MANSC1: variants seen among roughly 807,000 people sequenced by gnomAD.
MANSC1 encodes MANSC domain containing 1, also known as MANSC domain-containing protein 1.
A neutral mutation model predicts 14.1 loss-of-function variants in MANSC1; 13 were observed. The ratio of observed to expected loss-of-function variants is 0.92; its 90% CI spans 0.60 to 1.46. MANSC1 has a LOEUF of 1.46. Ranked by LOEUF, MANSC1 falls within the 40% of genes most tolerant of loss-of-function variation. The pLI, the probability that MANSC1 is intolerant of heterozygous loss-of-function variation, is 0.00. For synonymous variants in MANSC1, 227 were observed against 200.7 expected (o/e 1.13, Z -1.11); for missense variants, 486 against 511.4 (o/e 0.95, Z 0.48).
chr12:12,342,945 C>T (rs1862956438), intron 2 of MANSC1, 147 bp downstream of exon 2: 1 of 627,636 alleles, frequency 1.6e-6, no homozygotes, highest in African/African-American at 1.8e-5. Flanking sequence ...GAGGGGAGGG[C>T]ACACTTGTAG....
chr12:12,334,177 C>T (rs189598660), intron 3 of MANSC1, among the ~76,000 whole-genome samples: 1 of 151,856 alleles, frequency 6.6e-6, no homozygotes, highest in Non-Finnish European at 1.5e-5. Flanking sequence ...ACTGCTTGAG[C>T]TCAGGAGGTG....
chr12:12,349,113 C>T (rs182574140), intron 1 of MANSC1, among the ~76,000 whole-genome samples: 106 of 152,318 alleles, frequency 7.0e-4, no homozygotes, highest in Middle Eastern at 3.4e-3. Flanking sequence ...ACTGCTAATA[C>T]TACTGTGGCT....
Position 12,329,025 on chromosome 12 carries a change from C to CACACACACACACACA in MANSC1, c.*1001_*1002insTGTGTGTGTGTGTGT, listed in dbSNP as rs1254787998. 1 of 152,132 alleles carries CACACACACACACACA rather than the reference C, an allele frequency of 6.6e-6. No homozygotes were observed. The highest frequency in any genetic ancestry group is 2.5e-5 in the African/African-American group (1 of 40,146). 9.4% of individuals were successfully genotyped at this position (152,132 alleles called of 1,614,324 possible). ...ACACACACACACACACACACACACACAAGTTAACTAGAACAGATCCCAAGT... is the reference window on the plus strand; with the variant it reads ...ACACACACACACACACACACACACACACACACACACACACAAAGTTAACTAGAACAGATCCCAAGT... On this transcript the variant is annotated 3_prime_UTR_variant, in exon 4 of 4. Coordinates refer to ENST00000535902, the MANE Select transcript of MANSC1 (RefSeq NM_018050.4).
intron 1 of MANSC1, 77 bp downstream of exon 1, chr12:12,350,001 G>A: frequency 6.6e-6 from 1 of 152,346 alleles, no homozygotes; most frequent in East Asian, 1.9e-4. Flanking sequence ...CCCTGGAAAG[G>A]AGGGGACCGA....
rs1312450234 is a variant in MANSC1, at chr12:12,342,576, GTTTTTTTGTTTTTTTTTTTTT to G, written c.223+495_223+515del. ...AAGCTGTAGTTACCTAGTAGTCAGT[GTTTTTTTGTTTTTTTTTTTTT>G]TTTTTTTTTTTGACTTATCCTATGC... On this transcript the variant is annotated intron_variant, in intron 2 of 3. Coordinates refer to ENST00000535902, the MANE Select transcript of MANSC1 (RefSeq NM_018050.4). Among the ~76,000 whole-genome samples the G allele has an allele frequency of 2.9e-5, 3 of 103,998 alleles. No homozygotes were observed. The East Asian group carries it at 1.1e-3, about 38-fold the overall frequency. The allele number at this position is 103,998 out of a possible 152,430, so 68.2% of individuals were successfully genotyped here.
rs771731552 is a variant in MANSC1, at chr12:12,330,916, G to A, written c.407C>T (p.Pro136Leu). 1.9e-6 allele frequency: 3 copies of A among 1,600,786 alleles called. No individual in the cohort carries two copies. The South Asian group carries it at 3.4e-5, about 18-fold the overall frequency. Reference sequence around the variant, plus strand: ...GCCATGTAAGAGAGAATCTTCCTGGGGTAACTCTTGGCTTGGCAAATTTCT... The same window carrying A: ...GCCATGTAAGAGAGAATCTTCCTGGAGTAACTCTTGGCTTGGCAAATTTCT... ...LTRNLPSQEL[P>L]QEDSLLHGQF... The change falls in exon 4 of 4, where the codon CCC becomes CTC. Residue 136 changes from proline to leucine, a missense_variant. Physicochemically the swap from Pro to Leu is moderately conservative, Grantham distance 98 (BLOSUM62 -3). Transcript: ENST00000535902.
At chr12:12,340,175 T>A (rs1019479382) in intron 2 of MANSC1, among the ~76,000 whole-genome samples, 2 of 152,240 alleles carry the variant, frequency 1.3e-5, no homozygotes, top group African/African-American at 4.8e-5. Flanking sequence ...CATCATGGCC[T>A]AGATTTGATT....
At chr12:12,332,057 C>T (rs1007407740) in intron 3 of MANSC1, among the ~76,000 whole-genome samples, 4 of 152,188 alleles carry the variant, frequency 2.6e-5, no homozygotes, top group Non-Finnish European at 5.9e-5. Flanking sequence ...CTCCTGATCA[C>T]ACACCCCATT....
chr12:12,343,568 A>C (rs1387082955), intron 1 of MANSC1, among the ~76,000 whole-genome samples, 154 bp from the exon 2 acceptor site: 1 of 152,266 alleles, frequency 6.6e-6, no homozygotes, highest in Non-Finnish European at 1.5e-5. Flanking sequence ...AGTAAATTTA[A>C]GACAACTTTT....
At chr12:12,346,000 G>A (rs1863004544) in intron 1 of MANSC1, among the ~76,000 whole-genome samples, 4 of 152,170 alleles carry the variant, frequency 2.6e-5, no homozygotes, top group Non-Finnish European at 4.4e-5. Flanking sequence ...CTGGCCAGGC[G>A]CCATGGCTCA....
chr12:12,350,211 C>T lies in MANSC1; in HGVS notation c.-234G>A, dbSNP rs553200955. 1 of 152,360 alleles carries T rather than the reference C, an allele frequency of 6.6e-6. No homozygotes were observed. Among genetic ancestry groups the T allele is most frequent in the African/African-American group, 2.4e-5 (1 of 41,586 alleles). 9.4% of individuals were successfully genotyped at this position (152,360 alleles called of 1,614,324 possible). A position where few individuals can be genotyped will look rare whatever the true frequency, so the allele number is the denominator to read the frequency against. ...CGCAGCGGATGCTCCGCAGCTCCCG[C>T]ACCGGCCTGGCGGGTTTTGTGGTTA... On this transcript the variant is annotated 5_prime_UTR_variant, in exon 1 of 4. Transcript: ENST00000535902.
rs779062582 is a variant in MANSC1, at chr12:12,343,183, A to G, written c.132T>C (p.Ser44=). ...LEDVVIDIQS[S]LSKGIRGNEP... Reference sequence around the variant, plus strand: ...CATTGCCTCTGATTCCCTTAGAAAGAGATGACTGGATGTCAATGACAACAT... The same window carrying G: ...CATTGCCTCTGATTCCCTTAGAAAGGGATGACTGGATGTCAATGACAACAT... The change falls in exon 2 of 4, where the codon TCT becomes TCC. Residue 44 remains serine (S), a synonymous_variant. Transcript: ENST00000535902. 1 of 1,613,960 alleles carries G rather than the reference A, an allele frequency of 6.2e-7. No homozygotes were observed. Among genetic ancestry groups the G allele is most frequent in the South Asian group, 1.1e-5 (1 of 91,086 alleles).
At position 12,343,349 on chromosome 12, in the gene MANSC1, C is replaced by A; in HGVS notation, c.-35G>T. The A allele has an allele frequency of 1.4e-6, 2 of 1,464,346 alleles. No individual in the cohort carries two copies. The highest frequency in any genetic ancestry group is 2.3e-5 in the South Asian group (2 of 87,450). The allele number at this position is 1,464,346 out of a possible 1,614,324, so 90.7% of individuals were successfully genotyped here. A position where few individuals can be genotyped will look rare whatever the true frequency, so the allele number is the denominator to read the frequency against. On this transcript the variant is annotated 5_prime_UTR_variant, in exon 2 of 4. Coordinates refer to ENST00000535902, the MANE Select transcript of MANSC1 (RefSeq NM_018050.4). Reference sequence around the variant, plus strand: ...CAGTTTAGTTTTGGTCTTCAAAGGTCAAGGATAATCCTCCCTCTGGTCTTA... The same window carrying A: ...CAGTTTAGTTTTGGTCTTCAAAGGTAAAGGATAATCCTCCCTCTGGTCTTA...
Position 12,330,054 on chromosome 12 carries a change from C to G in MANSC1, c.1269G>C (p.Leu423Phe), listed in dbSNP as rs1199946558. 6.2e-7 allele frequency: 1 copy of G among 1,614,080 alleles called. No individual in the cohort carries two copies. Among genetic ancestry groups the G allele is most frequent in the Admixed American group, 1.7e-5 (1 of 60,002 alleles). Residue 423 changes from leucine to phenylalanine, a missense_variant, in exon 4 of 4, where the codon TTG becomes TTC. Physicochemically the swap from Leu to Phe is conservative, Grantham distance 22. Coordinates refer to ENST00000535902, the MANE Select transcript of MANSC1 (RefSeq NM_018050.4). ...RRKRYSRLDY[L>F]INGIYVDI The stretch of plus-strand genomic sequence containing the variant: ...AGATGTCCACATAGATCCCATTGAT[C>G]AAATAATCCAGTCTTGAGTAACGTT...
intron 1 of MANSC1, among the ~76,000 whole-genome samples, chr12:12,344,942 T>TATATATAC (rs1862989618): frequency 1.1e-5 from 1 of 93,880 alleles, no homozygotes; most frequent in Non-Finnish European, 2.2e-5. Context: ...TATATATATA[T>TATATATAC]ATATATATAT....
chr12:12,349,689 G>C (rs1268896249), intron 1 of MANSC1, among the ~76,000 whole-genome samples: 2 of 152,172 alleles, frequency 1.3e-5, no homozygotes, highest in Non-Finnish European at 2.9e-5. Flanking sequence ...GCTTATAACT[G>C]TATACACACA....
At chr12:12,338,343 T>A (rs1426919244) in intron 3 of MANSC1, 77 bp downstream of exon 3, 1 of 1,312,576 alleles carries the variant, frequency 7.6e-7, no homozygotes, top group Non-Finnish European at 1.0e-6. Context: ...TTATTTAGAC[T>A]CTTGTAGAAA....
rs184685692 is a variant in MANSC1, at chr12:12,334,079, C to T, written c.365-3121G>A. Among the ~76,000 whole-genome samples the T allele has an allele frequency of 1.4e-3, 212 of 152,082 alleles. 2 individuals are homozygous for T. The East Asian group carries it at 0.032, about 23-fold the overall frequency. On this transcript the variant is annotated intron_variant, in intron 3 of 3. Transcript: ENST00000535902. The stretch of plus-strand genomic sequence containing the variant: ...GCCTGGGCAACATACTGAGACCCCC[C>T]CATTGCTACAAAACATTTTAAAAAA...
At chr12:12,340,047 AG>A (rs1862914604) in intron 2 of MANSC1, among the ~76,000 whole-genome samples, 1 of 152,146 alleles carries the variant, frequency 6.6e-6, no homozygotes, top group African/African-American at 2.4e-5. Context: ...CTTGGGCTCA[AG>A]CAATCCATCC....
Sources: allele counts gnomAD v4.1 joint callset (sites outside exome capture counted in the v4.1 genomes callset), GRCh38; gene constraint gnomAD v4.1.1; transcripts MANE v1.5; gene names NCBI Gene and HGNC (gene_info 2026-07-23, HGNC 2026-07-21).